Variants in CD5 observed in about 807,000 individuals in gnomAD.
CD5 encodes T-cell surface glycoprotein CD5.
In CD5, 36 loss-of-function variants were observed where a neutral mutation model predicts 60.3. The observed-to-expected ratio is 0.60, with a 90% CI of 0.46 to 0.79. CD5 has a LOEUF of 0.79. CD5 is among the 30% of genes least tolerant of loss of function. CD5 has a pLI of 0.00. For missense variants in CD5, 540 were observed against 630.6 expected, an observed-to-expected ratio of 0.86 and a Z score of 1.54; for synonymous variants, 230 against 257.6, an observed-to-expected ratio of 0.89 and a Z score of 1.03.
intron 9 of CD5, 81 bp from the exon 10 acceptor site, chr11:61,125,670 C>T (rs767907544): frequency 7.7e-6 from 7 of 904,468 alleles, no homozygotes; most frequent in South Asian, 3.3e-5. Context: ...TCTTCCAACC[C>T]ACTGTGGGCA....
intron 10 of CD5, among the ~76,000 whole-genome samples, chr11:61,126,046 C>G (rs1861144684): frequency 6.6e-6 from 1 of 152,240 alleles, no homozygotes; most frequent in Non-Finnish European, 1.5e-5. Context: ...GCAGAGCAAT[C>G]ATGAACTTTA....
At chr11:61,119,756 A>G (rs1377779336) in intron 5 of CD5, among the ~76,000 whole-genome samples, 181 bp downstream of exon 5, 1 of 152,156 alleles carries the variant, frequency 6.6e-6, no homozygotes, top group African/African-American at 2.4e-5. Context: ...GGATGCATCC[A>G]CACTCAATGC....
At position 61,125,023 on chromosome 11, in the gene CD5, T is replaced by C. The variant is rs1861124937; in HGVS notation, c.1280-9T>C. 1 of 1,613,946 alleles carries C rather than the reference T, an allele frequency of 6.2e-7. No homozygotes were observed. The highest frequency in any genetic ancestry group is 8.5e-7 in the Non-Finnish European group (1 of 1,179,902). ...ACAAGTCTGACACTGTCTCCTACCA[T>C]CTGCCCAGTGTCTTTCCATCGCAAC... On this transcript the variant is annotated splice_polypyrimidine_tract_variant and intron_variant, in intron 8 of 10. Coordinates refer to ENST00000347785, the MANE Select transcript of CD5 (RefSeq NM_014207.4).
At chr11:61,111,972 A>G (rs1860862019) in intron 1 of CD5, among the ~76,000 whole-genome samples, 1 of 152,214 alleles carries the variant, frequency 6.6e-6, no homozygotes, top group Non-Finnish European at 1.5e-5. Flanking sequence ...GCTTGGAGGC[A>G]CAGAGACAGG....
rs981621066 is a variant in CD5 at position 61,127,293 on chromosome 11, G to A, written c.*1008G>A. On this transcript the variant is annotated 3_prime_UTR_variant, in exon 11 of 11. Coordinates refer to ENST00000347785, the MANE Select transcript of CD5 (RefSeq NM_014207.4). ...AAGAGGAGGTCTACCCAGGAGCCTCGGGTCTGATCAAGGGAGAGGCCAGGC... is the reference window on the plus strand; with the variant it reads ...AAGAGGAGGTCTACCCAGGAGCCTCAGGTCTGATCAAGGGAGAGGCCAGGC... The A allele has an allele frequency of 2.0e-5, 3 of 151,620 alleles. No individual in the cohort carries two copies. The highest frequency in any genetic ancestry group is 7.3e-5 in the African/African-American group (3 of 41,218). The allele number at this position is 151,620 out of a possible 1,614,324, so 9.4% of individuals were successfully genotyped here. A position where few individuals can be genotyped will look rare whatever the true frequency, so the allele number is the denominator to read the frequency against.
the CD5 span, among the ~76,000 whole-genome samples, chr11:61,095,913 T>C: frequency 6.6e-6 from 1 of 152,222 alleles, no homozygotes; most frequent in African/African-American, 2.4e-5. Context: ...AAGCACGGAA[T>C]ATATCAGGAG....
chr11:61,097,743 C>T (rs1279030819), upstream of CD5, among the ~76,000 whole-genome samples: 2 of 152,182 alleles, frequency 1.3e-5, no homozygotes, highest in East Asian at 1.9e-4. Context: ...TGATGAATGG[C>T]CGCCCCCTGA....
At chr11:61,100,064 A>T (rs1374004436), upstream of CD5, among the ~76,000 whole-genome samples, 2 of 145,312 alleles carry the variant, frequency 1.4e-5, no homozygotes, top group African/African-American at 5.1e-5. Flanking sequence ...ACACATCAAC[A>T]TGGAGATCAC....
chr11:61,123,812 T>TGGGCCCCCCCCCCC, intron 7 of CD5, 72 bp from the exon 8 acceptor site: 1 of 339,974 alleles, frequency 2.9e-6, no homozygotes. Context: ...CCCAGCCCCA[T>TGGGCCCCCCCCCCC]CCCCACCCCT....
chr11:61,119,191 CG>C, intron 4 of CD5, 42 bp from the exon 5 acceptor site: 1 of 1,504,210 alleles, frequency 6.6e-7, no homozygotes, highest in Non-Finnish European at 8.9e-7. Context: ...AGGAAGCCCT[CG>C]GCGCTCAGGG....
At chr11:61,121,259 CCTAG>C (rs1861055299) in intron 5 of CD5, among the ~76,000 whole-genome samples, 3 of 149,360 alleles carry the variant, frequency 2.0e-5, no homozygotes, top group African/African-American at 7.7e-5. Context: ...GAGAAGTGGA[CCTAG>C]GTGGAGCCTA....
In CD5 at chr11:61,118,171, C is replaced by A. The variant is rs200568806; in HGVS notation, c.95-4C>A. The stretch of plus-strand genomic sequence containing the variant: ...GACCCCCACCACACCTTTCTGACCC[C>A]CAGATTTCCAGGCAAGGCTCACCCG... On this transcript the variant is annotated splice_polypyrimidine_tract_variant and splice_region_variant and intron_variant, in intron 2 of 10. Transcript: ENST00000347785. This position sits in a 1 kb window ranked among gnomAD's most constrained non-coding sequence, Gnocchi z 4.7. 2.0e-3 allele frequency: 3,220 copies of A among 1,611,792 alleles called. 28 individuals carry two copies. Among genetic ancestry groups the A allele is most frequent in the Non-Finnish European group, 1.3e-3 (1,569 of 1,178,156 alleles).
At chr11:61,100,735 T>A (rs1860662685), upstream of CD5, among the ~76,000 whole-genome samples, 1 of 121,720 alleles carries the variant, frequency 8.2e-6, no homozygotes, top group Non-Finnish European at 1.7e-5. Context: ...CACACACACA[T>A]CAACATGGAG....
the CD5 span, among the ~76,000 whole-genome samples, chr11:61,094,640 A>AGT: frequency 0.017 from 2,659 of 152,174 alleles, 69 homozygotes; most frequent in South Asian, 0.062. Flanking sequence ...AAACTGTAAA[A>AGT]GTGTGTGTGT....
At chr11:61,103,609 CTGTG>C (rs1405608167) in intron 1 of CD5, among the ~76,000 whole-genome samples, 2 of 140,524 alleles carry the variant, frequency 1.4e-5, no homozygotes, top group African/African-American at 2.7e-5. Flanking sequence ...CTATGTGTGT[CTGTG>C]TGAGTCTGTG....
At chr11:61,097,435 C>T in the CD5 span, among the ~76,000 whole-genome samples, 1 of 152,212 alleles carries the variant, frequency 6.6e-6, no homozygotes, top group Non-Finnish European at 1.5e-5. Context: ...ACCACAGAAA[C>T]AGTCACTTGG....
At chr11:61,114,875 G>T (rs1860915297) in intron 1 of CD5, among the ~76,000 whole-genome samples, 181 bp from the exon 2 acceptor site, 1 of 152,036 alleles carries the variant, frequency 6.6e-6, no homozygotes. Context: ...CAGCCCACTA[G>T]ATAGAATTCA....
Position 61,125,841 on chromosome 11 carries a change from G to A in CD5, c.*2G>A. On this transcript the variant is annotated splice_region_variant and 3_prime_UTR_variant, in exon 10 of 11. Coordinates refer to ENST00000347785, the MANE Select transcript of CD5 (RefSeq NM_014207.4). Reference sequence around the variant, plus strand: ...CTGCATGGGGCTCAGAGGCTGTAAAGGTGAGCCCGTCTCCAGCCTGACCCC... The same window carrying A: ...CTGCATGGGGCTCAGAGGCTGTAAAAGTGAGCCCGTCTCCAGCCTGACCCC... The A allele has an allele frequency of 6.2e-7, 1 of 1,601,946 alleles. No homozygotes were observed. The highest frequency in any genetic ancestry group is 8.5e-7 in the Non-Finnish European group (1 of 1,172,314).
intron 6 of CD5, 68 bp downstream of exon 6, chr11:61,121,972 G>A: frequency 3.6e-6 from 5 of 1,384,330 alleles, no homozygotes; most frequent in Non-Finnish European, 4.8e-6. Context: ...CGGTCAGGGT[G>A]CATGTCTCTA....
Sources: gnomAD v4.1 joint callset for allele counts (sites outside exome capture counted in the v4.1 genomes callset) on GRCh38, gnomAD v4.1.1 for gene constraint, Gnocchi (gnomAD v3.1) non-coding constraint, MANE v1.5 for transcripts, NCBI Gene and HGNC (gene_info 2026-07-23, HGNC 2026-07-21) for gene names.